The following DPF3 variants were observed in gnomAD, a reference collection of about 807,000 sequenced individuals.
The protein encoded by DPF3 is zinc finger protein DPF3.
A neutral mutation model predicts 56.8 loss-of-function variants in DPF3; 18 were observed. The ratio of observed to expected loss-of-function variants is 0.32; its 90% CI spans 0.22 to 0.47. The LOEUF (loss-of-function observed/expected upper bound fraction) is 0.47. Ranked by LOEUF, DPF3 falls within the 20% of genes least tolerant of loss-of-function variation. The pLI is 1.00. For synonymous variants in DPF3, 188 were observed against 180.2 expected (o/e 1.04, Z -0.35); for missense variants, 403 against 488.8 (o/e 0.82, Z 1.65).
intron 1 of DPF3, among the ~76,000 whole-genome samples, chr14:72,798,081 C>A (rs1337984635): frequency 6.6e-6 from 1 of 151,680 alleles, no homozygotes; most frequent in Non-Finnish European, 1.5e-5. Flanking sequence ...ACGGTGAAAC[C>A]CTGTCTCCAC....
intron 3 of DPF3, among the ~76,000 whole-genome samples, chr14:72,743,468 A>G (rs747284491): frequency 4.6e-5 from 7 of 152,250 alleles, no homozygotes; most frequent in East Asian, 1.9e-4. Flanking sequence ...TGAAGATAAT[A>G]TCTGTCCTAG....
chr14:72,841,502 C>T (rs939295339), intron 1 of DPF3, among the ~76,000 whole-genome samples: 1 of 152,082 alleles, frequency 6.6e-6, no homozygotes, highest in Non-Finnish European at 1.5e-5. Context: ...CTCTACATTT[C>T]ATTCAGTAAA....
intron 1 of DPF3, among the ~76,000 whole-genome samples, chr14:72,804,180 GACACACACACACACACAC>G (rs545355128): frequency 4.1e-4 from 55 of 133,262 alleles, no homozygotes; most frequent in African/African-American, 1.3e-3. Flanking sequence ...TGCTTTCCAG[GACACACACACACACACAC>G]ACACACACAC....
Position 72,616,242 on chromosome 14 carries a change from C to T in DPF3, c.*3055G>A, listed in dbSNP as rs578110246. Reference sequence around the variant, plus strand: ...TCAGCTAGAAAGTGGCAGTGTTGGTCGGAAAGTGAGCGTTACCCATGAACT... The same window carrying T: ...TCAGCTAGAAAGTGGCAGTGTTGGTTGGAAAGTGAGCGTTACCCATGAACT... On this transcript the variant is annotated 3_prime_UTR_variant, in exon 11 of 11. Coordinates refer to ENST00000556509, the MANE Select transcript of DPF3 (RefSeq NM_001280542.3). Among the ~76,000 whole-genome samples the T allele has an allele frequency of 4.7e-4, 72 of 152,282 alleles. No individual in the cohort carries two copies. The highest frequency in any genetic ancestry group is 2.8e-3 in the Admixed American group (43 of 15,298).
At chr14:72,841,634 A>G (rs1190218358) in intron 1 of DPF3, among the ~76,000 whole-genome samples, 1 of 152,208 alleles carries the variant, frequency 6.6e-6, no homozygotes. Flanking sequence ...CATTTCGAGT[A>G]GCAGTTCTAA....
chr14:72,686,746 G>A (rs558558175), intron 7 of DPF3, among the ~76,000 whole-genome samples: 1 of 152,210 alleles, frequency 6.6e-6, no homozygotes, highest in East Asian at 1.9e-4. Flanking sequence ...CAATTTCCCA[G>A]AAAGAGCTCT....
intron 1 of DPF3, among the ~76,000 whole-genome samples, chr14:72,856,904 A>G (rs1885191139): frequency 6.6e-6 from 1 of 152,206 alleles, no homozygotes; most frequent in South Asian, 2.1e-4. Flanking sequence ...ATGTGGGGCG[A>G]GGACTTAGGA....
chr14:72,700,636 G>A (rs916453840), intron 6 of DPF3, among the ~76,000 whole-genome samples: 1 of 152,274 alleles, frequency 6.6e-6, no homozygotes, highest in Non-Finnish European at 1.5e-5. Flanking sequence ...CTTCTAGATC[G>A]GCTCTGCCCT....
intron 8 of DPF3, among the ~76,000 whole-genome samples, chr14:72,640,524 T>C (rs1885525462): frequency 6.6e-6 from 1 of 152,180 alleles, no homozygotes; most frequent in Non-Finnish European, 1.5e-5. Flanking sequence ...TGAGGGGCAT[T>C]AGTCCAGGGC....
chr14:72,771,009 C>T (rs1030036602), intron 2 of DPF3, among the ~76,000 whole-genome samples: 3 of 152,064 alleles, frequency 2.0e-5, no homozygotes, highest in African/African-American at 4.8e-5. Context: ...AACCCCGTCT[C>T]TACTAAAAAT....
At chr14:72,810,827 A>G (rs903814086) in intron 1 of DPF3, among the ~76,000 whole-genome samples, 25 of 152,348 alleles carry the variant, frequency 1.6e-4, no homozygotes, top group African/African-American at 5.8e-4. Context: ...CATTGCAGAT[A>G]TAGTTAGTCA....
In DPF3 at chr14:72,893,898, AAAG is replaced by A. The variant is rs1357383577; in HGVS notation, c.32+156_32+158del. Among the ~76,000 whole-genome samples the A allele has an allele frequency of 2.0e-5, 3 of 152,220 alleles. No individual in the cohort carries two copies. The East Asian group carries it at 5.8e-4, about 29-fold the overall frequency. On this transcript the variant is annotated intron_variant, in intron 1 of 10. Coordinates refer to ENST00000556509, the MANE Select transcript of DPF3 (RefSeq NM_001280542.3). ...GACATTTCTGCGCGTTGGGGGAAAA[AAAG>A]AAGATGAAGAAGTAAGAGCTGAAAG...
intron 1 of DPF3, among the ~76,000 whole-genome samples, chr14:72,821,127 CTA>C (rs1491269725): frequency 0.015 from 1,835 of 123,542 alleles, 46 homozygotes; most frequent in African/African-American, 0.047. Context: ...GAGTGAAACT[CTA>C]TCTCAAAAAA....
At chr14:72,874,563 T>G (rs1232960037) in intron 1 of DPF3, among the ~76,000 whole-genome samples, 4 of 152,132 alleles carry the variant, frequency 2.6e-5, no homozygotes, top group Non-Finnish European at 5.9e-5. Context: ...CACGAATCTC[T>G]AGGGGAGTCT....
At chr14:72,628,804 A>G (rs767458837) in intron 9 of DPF3, among the ~76,000 whole-genome samples, 4 of 152,248 alleles carry the variant, frequency 2.6e-5, no homozygotes, top group Non-Finnish European at 5.9e-5. Context: ...AGATATACTC[A>G]GTCAAATACA....
intron 7 of DPF3, among the ~76,000 whole-genome samples, chr14:72,677,330 T>C (rs1886954095): frequency 6.6e-6 from 1 of 152,242 alleles, no homozygotes; most frequent in South Asian, 2.1e-4. Flanking sequence ...GGTCAGATGG[T>C]GTGGAATGGA....
intron 1 of DPF3, among the ~76,000 whole-genome samples, chr14:72,858,595 G>A (rs180710616): frequency 3.5e-4 from 53 of 152,290 alleles, no homozygotes; most frequent in Admixed American, 1.2e-3. Context: ...AGGGGGTGGG[G>A]GAATGTATAA....
At chr14:72,793,178 G>A (rs958275502) in intron 1 of DPF3, among the ~76,000 whole-genome samples, 2 of 152,302 alleles carry the variant, frequency 1.3e-5, no homozygotes, top group African/African-American at 4.8e-5. Flanking sequence ...CGCAAATGAA[G>A]TAATAATTTG....
intron 3 of DPF3, among the ~76,000 whole-genome samples, chr14:72,732,142 AC>A (rs1373835157): frequency 6.6e-6 from 1 of 151,928 alleles, no homozygotes; most frequent in Non-Finnish European, 1.5e-5. Context: ...CCATGCCCAC[AC>A]CCCCAGAGGA....
Sources: allele counts gnomAD v4.1 joint callset (sites outside exome capture counted in the v4.1 genomes callset), GRCh38; gene constraint gnomAD v4.1.1; transcripts MANE v1.5; gene names NCBI Gene and HGNC (gene_info 2026-07-23, HGNC 2026-07-21).